NRXN3: variants seen among roughly 807,000 people sequenced by gnomAD.
NRXN3 encodes the protein neurexin III.
In NRXN3, 32 loss-of-function variants were observed where a neutral mutation model predicts 137.6. The ratio of observed to expected loss-of-function variants is 0.23; its 90% confidence interval spans 0.18 to 0.31. NRXN3 has a LOEUF of 0.31. Ranked by LOEUF, NRXN3 falls within the 10% of genes least tolerant of loss-of-function variation. The pLI, the probability that NRXN3 is intolerant of heterozygous loss-of-function variation, is 1.00. For missense variants in NRXN3, 1,574 were observed against 2,062.5 expected, an observed-to-expected ratio of 0.76 and a Z score of 4.59; for synonymous variants, 798 against 784.5, an observed-to-expected ratio of 1.02 and a Z score of -0.29.
intron 16 of NRXN3, among the ~76,000 whole-genome samples, chr14:79,637,436 T>C (rs2153951751): frequency 6.6e-6 from 1 of 152,122 alleles, no homozygotes; most frequent in African/African-American, 2.4e-5. Flanking sequence ...TTTGAGGTGG[T>C]TGTAGCAATA....
chr14:78,939,296 ATT>A (rs2099348529), intron 10 of NRXN3, among the ~76,000 whole-genome samples: 1 of 152,244 alleles, frequency 6.6e-6, no homozygotes, highest in African/African-American at 2.4e-5. Context: ...GAAATTATAA[ATT>A]GTTTATTAAA....
intron 10 of NRXN3, among the ~76,000 whole-genome samples, chr14:78,955,754 C>T (rs1479056624): frequency 6.6e-6 from 1 of 152,084 alleles, no homozygotes; most frequent in African/African-American, 2.4e-5. Flanking sequence ...GAACTACTAC[C>T]ATAGCTCTTA....
At chr14:79,201,938 G>A (rs1324623119) in intron 15 of NRXN3, among the ~76,000 whole-genome samples, 3 of 152,198 alleles carry the variant, frequency 2.0e-5, no homozygotes, top group African/African-American at 7.2e-5. Context: ...GTGAGAATTG[G>A]CTAAAGCCAT....
chr14:79,120,408 G>A (rs2055205195), intron 15 of NRXN3, among the ~76,000 whole-genome samples: 1 of 151,928 alleles, frequency 6.6e-6, no homozygotes, highest in Admixed American at 6.6e-5. Context: ...CTCCTCATGA[G>A]TTCCATGAGA....
At chr14:79,636,714 C>T (rs2098405618) in intron 16 of NRXN3, among the ~76,000 whole-genome samples, 1 of 152,168 alleles carries the variant, frequency 6.6e-6, no homozygotes, top group Non-Finnish European at 1.5e-5. Flanking sequence ...GTGTAAAATG[C>T]TGGAGGGCAA....
intron 15 of NRXN3, among the ~76,000 whole-genome samples, chr14:79,110,709 G>A (rs1568316854): frequency 6.6e-6 from 1 of 151,948 alleles, no homozygotes. Flanking sequence ...GATGAATAAA[G>A]GGTCCTGGGA....
At chr14:79,608,841 G>T (rs1282221218) in intron 16 of NRXN3, among the ~76,000 whole-genome samples, 1 of 151,772 alleles carries the variant, frequency 6.6e-6, no homozygotes, top group East Asian at 1.9e-4. Context: ...AGTCTCAGGA[G>T]TGCAGTGAAA....
chr14:78,589,661 C>A (rs940950147), intron 4 of NRXN3, among the ~76,000 whole-genome samples: 3 of 152,146 alleles, frequency 2.0e-5, no homozygotes, highest in Non-Finnish European at 4.4e-5. Flanking sequence ...GGATTGTCTG[C>A]ATCTTGGGGG....
intron 15 of NRXN3, among the ~76,000 whole-genome samples, chr14:79,181,107 G>C (rs557651214): frequency 1.3e-5 from 2 of 151,388 alleles, no homozygotes; most frequent in African/African-American, 4.9e-5. Context: ...GGCATGAAGT[G>C]CCAAACTATT....
At chr14:78,501,181 C>T (rs1282281389) in intron 4 of NRXN3, among the ~76,000 whole-genome samples, 1 of 152,126 alleles carries the variant, frequency 6.6e-6, no homozygotes, top group Admixed American at 6.6e-5. Flanking sequence ...TCACAGTTTC[C>T]ATGGAGGAGG....
At position 78,645,428 on chromosome 14, in the gene NRXN3, G is replaced by A. The variant is rs751298116; in HGVS notation, c.1059+7G>A. On this transcript the variant is annotated splice_region_variant and intron_variant, in intron 5 of 20. Coordinates refer to ENST00000335750, the MANE Select transcript of NRXN3 (RefSeq NM_001330195.2). ...GACACGCAACCTCCGGCAGGTAATGGCTGAGGGGAGAGAATTCCTGGAAGG... is the reference window on the plus strand; with the variant it reads ...GACACGCAACCTCCGGCAGGTAATGACTGAGGGGAGAGAATTCCTGGAAGG... The A allele has an allele frequency of 1.0e-5, 16 of 1,563,838 alleles. No homozygotes were observed. Among genetic ancestry groups the A allele is most frequent in the Non-Finnish European group, 1.3e-5 (15 of 1,160,242 alleles).
At chr14:79,462,958 A>G (rs930561915) in intron 15 of NRXN3, among the ~76,000 whole-genome samples, 29 of 151,916 alleles carry the variant, frequency 1.9e-4, no homozygotes, top group Middle Eastern at 3.2e-3. Flanking sequence ...GTGAATCTTA[A>G]GACAAGAATT....
chr14:78,397,214 A>C (rs181482719), intron 4 of NRXN3, among the ~76,000 whole-genome samples: 1 of 152,152 alleles, frequency 6.6e-6, no homozygotes, highest in Non-Finnish European at 1.5e-5. Flanking sequence ...CTCTTACCAC[A>C]GTTGGGGAGT....
intron 15 of NRXN3, among the ~76,000 whole-genome samples, chr14:79,433,800 T>C (rs1270610397): frequency 2.0e-5 from 3 of 152,204 alleles, no homozygotes; most frequent in African/African-American, 7.2e-5. Context: ...TAGCTAAAAC[T>C]TTATTCCGTG....
At chr14:78,593,816 G>A (rs917863858) in intron 4 of NRXN3, among the ~76,000 whole-genome samples, 3 of 152,132 alleles carry the variant, frequency 2.0e-5, no homozygotes, top group African/African-American at 4.8e-5. Flanking sequence ...CTTGGGCTTA[G>A]CTTCTTCAAA....
At chr14:78,659,890 A>G (rs903374567) in intron 6 of NRXN3, among the ~76,000 whole-genome samples, 4 of 152,144 alleles carry the variant, frequency 2.6e-5, no homozygotes, top group African/African-American at 9.7e-5. Context: ...TGGCAATGTC[A>G]GTCGATTAGA....
intron 4 of NRXN3, among the ~76,000 whole-genome samples, chr14:78,515,916 A>G (rs1567814831): frequency 6.6e-6 from 1 of 152,176 alleles, no homozygotes; most frequent in African/African-American, 2.4e-5. Flanking sequence ...CTAGAATCCA[A>G]ATTGGATGAG....
intron 16 of NRXN3, among the ~76,000 whole-genome samples, chr14:79,470,947 AGAGAGTGTGTGTGTGTGT>A (rs1373848652): frequency 2.0e-4 from 21 of 102,730 alleles, no homozygotes; most frequent in Admixed American, 4.7e-4. Context: ...AGAAAGAGAG[AGAGAGTGTGTGTGTGTGT>A]GTGTGTGTGT....
chr14:79,316,278 A>C (rs151117038), intron 15 of NRXN3, among the ~76,000 whole-genome samples: 185 of 152,340 alleles, frequency 1.2e-3, no homozygotes, highest in African/African-American at 4.1e-3. Flanking sequence ...TTTGGTGCAG[A>C]TACTGAGAAA....
Sources: gnomAD v4.1 joint callset for allele counts (sites outside exome capture counted in the v4.1 genomes callset) on GRCh38, gnomAD v4.1.1 for gene constraint, MANE v1.5 for transcripts, NCBI Gene and HGNC (gene_info 2026-07-23, HGNC 2026-07-21) for gene names.